Variants in GGTA1 observed in about 807,000 individuals in gnomAD.
The protein encoded by GGTA1 is glycoprotein alpha-galactosyltransferase 1 (inactive).
GGTA1 carries 5 observed loss-of-function variants against 2.6 expected under a neutral mutation model. That is an observed-to-expected ratio of 1.92 (90% CI 1.00 to 4.04). GGTA1 has a LOEUF of 4.04. Among genes scored for constraint, GGTA1 ranks in the 30% most tolerant of loss-of-function variants. GGTA1 has a pLI of 0.00. For synonymous variants in GGTA1, 17 were observed against 5.0 expected, an observed-to-expected ratio of 3.38 and a Z score of -3.19; for missense variants, 50 against 16.7, an observed-to-expected ratio of 2.99 and a Z score of -3.47.
chr9:121,447,409 A>G (rs561127531), exon 8 of GGTA1: 3 of 152,606 alleles, frequency 2.0e-5, no homozygotes, highest in Non-Finnish European at 4.4e-5. Flanking sequence ...CTTCATACGC[A>G]TCATGCTGAT....
At chr9:121,489,426 G>A (rs1012424275) in intron 1 of GGTA1, among the ~76,000 whole-genome samples, 3 of 152,052 alleles carry the variant, frequency 2.0e-5, no homozygotes, top group South Asian at 2.1e-4. Flanking sequence ...TCAAACTCCC[G>A]TACACAAACC....
At chr9:121,456,115 C>A (rs944716287) in intron 5 of GGTA1, among the ~76,000 whole-genome samples, 7 of 152,192 alleles carry the variant, frequency 4.6e-5, no homozygotes, top group Non-Finnish European at 1.0e-4. Flanking sequence ...TGACGGAGGG[C>A]AGCTCACACA....
rs190256084 is a variant in GGTA1, at chr9:121,462,466, T to C, written c.116+827A>G. Among the ~76,000 whole-genome samples, 23 of 152,316 alleles carry C rather than the reference T, an allele frequency of 1.5e-4. No homozygotes were observed. In the East Asian group the frequency reaches 4.4e-3, roughly 29 times the overall value. On this transcript the variant is annotated intron_variant, in intron 3 of 5. Coordinates refer to ENST00000481799, the MANE Select transcript of GGTA1 (RefSeq NM_001382585.1). ...AGGCATAATATTATGAAATCTGTTTTAAAGCCTATTAACTCTTGGAAGTGT... is the reference window on the plus strand; with the variant it reads ...AGGCATAATATTATGAAATCTGTTTCAAAGCCTATTAACTCTTGGAAGTGT...
intron 1 of GGTA1, among the ~76,000 whole-genome samples, chr9:121,488,512 C>T (rs192111694): frequency 3.9e-5 from 6 of 152,162 alleles, no homozygotes; most frequent in East Asian, 3.9e-4. Flanking sequence ...GTCAGGAGTT[C>T]GAGACCAGCC....
intron 3 of GGTA1, 52 bp downstream of exon 3, chr9:121,463,241 C>T (rs1443165270): frequency 6.6e-6 from 3 of 454,378 alleles, no homozygotes; most frequent in Non-Finnish European, 1.3e-5. Context: ...TAGGGGGTGC[C>T]AGAGTGGCTG....
intron 2 of GGTA1, among the ~76,000 whole-genome samples, chr9:121,464,718 T>C (rs1328654768): frequency 6.6e-6 from 1 of 152,228 alleles, no homozygotes; most frequent in African/African-American, 2.4e-5. Context: ...CCCATCATGA[T>C]CACCACTATC....
chr9:121,464,988 C>CAAAAAAAAAAAAAAAAA (rs1325681219), intron 2 of GGTA1, among the ~76,000 whole-genome samples: 1 of 121,848 alleles, frequency 8.2e-6, no homozygotes, highest in Non-Finnish European at 1.8e-5. Context: ...CGTAAAGTGG[C>CAAAAAAAAAAAAAAAAA]AAAAAAACAA....
At chr9:121,475,317 T>G (rs1828485739) in intron 1 of GGTA1, among the ~76,000 whole-genome samples, 2 of 152,142 alleles carry the variant, frequency 1.3e-5, no homozygotes, top group African/African-American at 2.4e-5. Flanking sequence ...CCATGAATAA[T>G]CCACCCCTTG....
At chr9:121,447,190 C>T (rs2064856018) in exon 8 of GGTA1, 4 of 152,674 alleles carry the variant, frequency 2.6e-5, no homozygotes, top group Admixed American at 1.3e-4. Flanking sequence ...TAAAAATCCC[C>T]TGGCCAAATG....
intron 5 of GGTA1, among the ~76,000 whole-genome samples, chr9:121,457,090 G>C (rs2118760064): frequency 6.6e-6 from 1 of 152,324 alleles, no homozygotes; most frequent in Middle Eastern, 3.4e-3. Flanking sequence ...TGGAGAGAAG[G>C]GGATGAAGTA....
chr9:121,455,106 G>A lies in GGTA1; in HGVS notation c.*731C>T, dbSNP rs2118754537. On this transcript the variant is annotated 3_prime_UTR_variant, in exon 6 of 6. Transcript: ENST00000481799. ...GTCAATTCAGACTGAGAAATGATGA[G>A]CCTTTTTTGTTGTTGTTTTTAGTAG... is the stretch of plus-strand genomic sequence containing the variant. The A allele has an allele frequency of 6.6e-6, 1 of 152,306 alleles. No individual in the cohort carries two copies. Among genetic ancestry groups the A allele is most frequent in the South Asian group, 2.1e-4 (1 of 4,822 alleles). The allele number at this position is 152,306 out of a possible 1,614,324, so 9.4% of individuals were successfully genotyped here. A position where few individuals can be genotyped will look rare whatever the true frequency, so the allele number is the denominator to read the frequency against.
chr9:121,460,028 C>T, intron 5 of GGTA1, 76 bp downstream of exon 5: 2 of 441,646 alleles, frequency 4.5e-6, no homozygotes, highest in Non-Finnish European at 9.1e-6. Flanking sequence ...CTCAATGGCA[C>T]TGTTGCCTCC....
intron 1 of GGTA1, among the ~76,000 whole-genome samples, chr9:121,480,095 G>A (rs1432687822): frequency 3.4e-5 from 5 of 145,786 alleles, no homozygotes; most frequent in East Asian, 3.9e-4. Context: ...TCACTCTGTC[G>A]CCCAGGGCGG....
chr9:121,495,603 A>G (rs1020840199), intron 1 of GGTA1, among the ~76,000 whole-genome samples: 7 of 152,166 alleles, frequency 4.6e-5, no homozygotes, highest in Admixed American at 3.9e-4. Flanking sequence ...CTCCTTACCT[A>G]TCAGCAATCT....
chr9:121,445,682 G>C (rs2064849043), exon 8 of GGTA1: 1 of 152,146 alleles, frequency 6.6e-6, no homozygotes, highest in Admixed American at 6.5e-5. Flanking sequence ...CATTGTTATG[G>C]CTCATGCTTC....
At chr9:121,480,259 C>T (rs905152576) in intron 1 of GGTA1, among the ~76,000 whole-genome samples, 6 of 151,886 alleles carry the variant, frequency 4.0e-5, no homozygotes, top group Admixed American at 1.3e-4. Flanking sequence ...GGTTTCACCA[C>T]GTTGGCCAGG....
intron 1 of GGTA1, among the ~76,000 whole-genome samples, chr9:121,468,849 A>T (rs937246802): frequency 3.3e-5 from 5 of 152,142 alleles, no homozygotes; most frequent in African/African-American, 1.2e-4. Context: ...GTAGCTGTAC[A>T]TGGTTCCCAG....
rs571533789 is a variant in GGTA1, at chr9:121,477,732, C to T, written c.-9-9801G>A. Reference sequence around the variant, plus strand: ...CTGGGACTACAGGCACCCGCCACCACGCCCAGCTAATTTTTTTTTTAATTT... The same window carrying T: ...CTGGGACTACAGGCACCCGCCACCATGCCCAGCTAATTTTTTTTTTAATTT... On this transcript the variant is annotated intron_variant, in intron 1 of 5. Transcript: ENST00000481799. 3.9e-3 allele frequency among the ~76,000 whole-genome samples: 594 copies of T among 152,048 alleles called. 2 individuals carry two copies. Among genetic ancestry groups the T allele is most frequent in the African/African-American group, 0.013 (546 of 41,494 alleles).
intron 1 of GGTA1, among the ~76,000 whole-genome samples, chr9:121,482,498 G>T (rs1828674036): frequency 6.6e-6 from 1 of 152,158 alleles, no homozygotes; most frequent in African/African-American, 2.4e-5. Flanking sequence ...GCTGGGCACA[G>T]TGGCTCATGT....
Sources: allele counts gnomAD v4.1 joint callset (sites outside exome capture counted in the v4.1 genomes callset), GRCh38; gene constraint gnomAD v4.1.1; transcripts MANE v1.5; gene names NCBI Gene and HGNC (gene_info 2026-07-23, HGNC 2026-07-21).